The following DSG1 variants were observed in gnomAD, a reference collection of about 807,000 sequenced individuals.
DSG1 encodes the protein desmoglein-1.
In DSG1, 39 loss-of-function variants were observed where a neutral mutation model predicts 97.5. The ratio of observed to expected loss-of-function variants is 0.40; its 90% CI spans 0.31 to 0.52. The LOEUF is 0.52. Ranked by LOEUF, DSG1 falls within the 20% of genes least tolerant of loss-of-function variation. The pLI, the probability that DSG1 is intolerant of heterozygous loss-of-function variation, is 0.53. For synonymous variants in DSG1, 475 were observed against 443.4 expected (o/e 1.07, Z -0.90); for missense variants, 1,311 against 1,295.4 (o/e 1.01, Z -0.18).
chr18:31,339,678 T>C lies in DSG1; in HGVS notation c.1406-66T>C, dbSNP rs79450409. 1.7e-3 allele frequency: 2,090 copies of C among 1,242,894 alleles called. 24 individuals carry two copies. The African/African-American group carries it at 0.027, about 16-fold the overall frequency. The allele number at this position is 1,242,894 out of a possible 1,614,324, so 77.0% of individuals were successfully genotyped here. The stretch of plus-strand genomic sequence containing the variant: ...TAAATGTTAATGTAAAAAATAATTC[T>C]GTGTTGTCCAACCATTCCTACACTA... On this transcript the variant is annotated intron_variant, in intron 10 of 14. Transcript: ENST00000257192.
intron 7 of DSG1, 107 bp downstream of exon 7, chr18:31,333,830 C>A: frequency 7.2e-7 from 1 of 1,379,328 alleles, no homozygotes; most frequent in Non-Finnish European, 1.0e-6. Flanking sequence ...GACATACAAC[C>A]CAAATGTAGA....
At chr18:31,325,498 G>A (rs886618253) in intron 1 of DSG1, among the ~76,000 whole-genome samples, 3 of 152,142 alleles carry the variant, frequency 2.0e-5, no homozygotes, top group Non-Finnish European at 2.9e-5. Flanking sequence ...GCAGCAAGGA[G>A]CATGCATTTA....
Position 31,339,965 on chromosome 18 carries a change from A to G in DSG1, c.1627A>G (p.Asn543Asp). Residue 543 changes from asparagine to aspartate, a missense_variant, in exon 11 of 15, where the codon AAT becomes GAT. Physicochemically the swap from Asn to Asp is conservative, Grantham distance 23. Around this residue, in one of 3 missense-constraint regions of DSG1, gnomAD observed 1,038 missense variants for 964.6 expected, o/e 1.08. Transcript: ENST00000257192. ...GNGAKDLLSD[N>D]VHFGPAGIGL... The stretch of plus-strand genomic sequence containing the variant: ...CGGAGCCAAAGATTTGTTATCAGAC[A>G]ATGTACATTTTGGTCCTGCTGGCAT... 6.2e-7 allele frequency: 1 copy of G among 1,614,088 alleles called. No homozygotes were observed. The highest frequency in any genetic ancestry group is 8.5e-7 in the Non-Finnish European group (1 of 1,179,976).
intron 13 of DSG1, among the ~76,000 whole-genome samples, chr18:31,344,951 C>T (rs955467099): frequency 5.3e-5 from 8 of 152,120 alleles, no homozygotes; most frequent in African/African-American, 1.7e-4. Context: ...TCAAAGAACT[C>T]GACACAGTAG....
chr18:31,348,430 C>T (rs1272784370), intron 14 of DSG1, among the ~76,000 whole-genome samples: 3 of 151,698 alleles, frequency 2.0e-5, no homozygotes, highest in East Asian at 1.9e-4. Context: ...AATAAACATA[C>T]GTGTGCATGT....
Position 31,340,071 on chromosome 18 carries a change from C to T in DSG1, c.1687+46C>T, listed in dbSNP as rs761452004. 1.7e-5 allele frequency: 27 copies of T among 1,565,962 alleles called. No individual in the cohort carries two copies. The African/African-American group carries it at 2.3e-4, about 13-fold the overall frequency. ...ATGTATATGTGTCCCCCAAAAAATG[C>T]TGGGGGAGGAGTTAAGTTTTCTGAT... On this transcript the variant is annotated intron_variant, in intron 11 of 14. Transcript: ENST00000257192.
chr18:31,319,920 GT>G (rs1487015579), intron 1 of DSG1, among the ~76,000 whole-genome samples: 2 of 151,544 alleles, frequency 1.3e-5, no homozygotes, highest in South Asian at 2.1e-4. Context: ...GCTTATGGGG[GT>G]TTTTTTGGGA....
chr18:31,327,419 C>G (rs1465298241), intron 3 of DSG1, among the ~76,000 whole-genome samples: 2 of 152,022 alleles, frequency 1.3e-5, no homozygotes, highest in African/African-American at 4.8e-5. Flanking sequence ...TCTCATACCC[C>G]TTTTCTATTC....
At chr18:31,318,896 G>A (rs371659114) in intron 1 of DSG1, among the ~76,000 whole-genome samples, 6 of 151,912 alleles carry the variant, frequency 3.9e-5, no homozygotes, top group South Asian at 2.1e-4. Flanking sequence ...AAAAAGCCCC[G>A]CACTATTTAA....
At position 31,333,707 on chromosome 18, in the gene DSG1, A is replaced by T; in HGVS notation, c.803A>T (p.Tyr268Phe). ...CTCGATGTCAATGATAATATCCCTTACATGGAACAGTCTTCAGTAAGTATT... is the reference window on the plus strand; with the variant it reads ...CTCGATGTCAATGATAATATCCCTTTCATGGAACAGTCTTCAGTAAGTATT... ...KILDVNDNIP[Y>F]MEQSSYTIEI... The change falls in exon 7 of 15, where the codon TAC (tyrosine) becomes TTC (phenylalanine). Residue 268 changes from tyrosine to phenylalanine, a missense_variant. This residue lies in a region of DSG1 where 1,038 missense variants were observed against 964.6 expected (regional missense o/e 1.08). Coordinates refer to ENST00000257192, the MANE Select transcript of DSG1 (RefSeq NM_001942.4). The T allele has an allele frequency of 6.2e-7, 1 of 1,613,800 alleles. No homozygotes were observed. Among genetic ancestry groups the T allele is most frequent in the East Asian group, 2.2e-5 (1 of 44,868 alleles).
In DSG1 at chr18:31,354,597, C is replaced by A. The variant is rs2071935755; in HGVS notation, c.2401C>A (p.Pro801Thr). 1.9e-6 allele frequency: 3 copies of A among 1,614,060 alleles called. No individual in the cohort carries two copies. The highest frequency in any genetic ancestry group is 2.5e-6 in the Non-Finnish European group (3 of 1,180,042). Residue 801 changes from proline (P) to threonine (T), a missense_variant, in exon 15 of 15, where the codon CCA becomes ACA. Physicochemically the swap from Pro to Thr is conservative, Grantham distance 38. Around this residue, in one of 3 missense-constraint regions of DSG1, gnomAD observed 1,038 missense variants for 964.6 expected, o/e 1.08. Transcript: ENST00000257192. Reference sequence around the variant, plus strand: ...TGTTAGTGGACACCCACCAATCTCCCCACATTTCGGCACTACCACAGTAAT... The same window carrying A: ...TGTTAGTGGACACCCACCAATCTCCACACATTTCGGCACTACCACAGTAAT... ...PVVSGHPPIS[P>T]HFGTTTVISE...
rs1249896949 is a variant in DSG1, at chr18:31,327,003, A to G, written c.214A>G (p.Lys72Glu). 2 of 1,613,748 alleles carry G rather than the reference A, an allele frequency of 1.2e-6. No individual in the cohort carries two copies. The highest frequency in any genetic ancestry group is 1.7e-6 in the Non-Finnish European group (2 of 1,179,800). ...EDNSKRNPIA[K>E]IHSDCAANQQ... is the part of the protein sequence containing the mutation. The stretch of plus-strand genomic sequence containing the variant: ...CAACTCAAAGAGGAACCCAATCGCC[A>G]AAGTAGGTATCAACTCCAAAGCATA... The change falls in exon 3 of 15, where the codon AAA becomes GAA. Residue 72 changes from lysine to glutamate, a missense_variant and splice_region_variant. Lys to Glu is a moderately conservative substitution (Grantham distance 56). Transcript: ENST00000257192.
At chr18:31,336,969 C>T (rs1154851) in intron 9 of DSG1, among the ~76,000 whole-genome samples, 63,013 of 152,104 alleles carry the variant, frequency 0.41, 14,275 homozygotes, top group Non-Finnish European at 0.5. Context: ...CAAATCTGCT[C>T]AGCTTGAAAT....
chr18:31,340,880 C>T (rs1392174841), intron 11 of DSG1, among the ~76,000 whole-genome samples: 3 of 152,234 alleles, frequency 2.0e-5, no homozygotes, highest in Non-Finnish European at 4.4e-5. Flanking sequence ...GAGGGTTAAA[C>T]TCTGGTTTCT....
chr18:31,355,567 A>C lies in DSG1; in HGVS notation c.*221A>C. 1.8e-6 allele frequency: 1 copy of C among 570,112 alleles called. No individual in the cohort carries two copies. Among genetic ancestry groups the C allele is most frequent in the Non-Finnish European group, 3.1e-6 (1 of 320,840 alleles). The allele number at this position is 570,112 out of a possible 1,614,324, so 35.3% of individuals were successfully genotyped here. ...CTCTTATATTAGGACTAAGGAACTA[A>C]AACTTGAGGCAGAGTCTTCTTTGTG... On this transcript the variant is annotated 3_prime_UTR_variant, in exon 15 of 15. Transcript: ENST00000257192.
At chr18:31,333,844 A>G in intron 7 of DSG1, 121 bp downstream of exon 7, 1 of 1,310,094 alleles carries the variant, frequency 7.6e-7, no homozygotes, top group Non-Finnish European at 1.1e-6. Flanking sequence ...ATGTAGACAC[A>G]TACTTTTTTC....
At chr18:31,353,962 G>C (rs2144125743) in intron 14 of DSG1, 1 of 323,482 alleles carries the variant, frequency 3.1e-6, no homozygotes, top group Non-Finnish European at 5.9e-6. Flanking sequence ...CTGTAGACCA[G>C]AGCTGTTCCT....
At position 31,340,453 on chromosome 18, in the gene DSG1, C is replaced by T. The variant is rs148082660; in HGVS notation, c.1687+428C>T. Among the ~76,000 whole-genome samples the T allele has an allele frequency of 3.1e-3, 461 of 150,450 alleles. 4 individuals carry two copies. Among genetic ancestry groups the T allele is most frequent in the African/African-American group, 8.8e-3 (360 of 40,954 alleles). Reference sequence around the variant, plus strand: ...GAAGCCCACGTCTCTACTAAAAATACAAAAATGATCCGGGCATGGTGGTAG... The same window carrying T: ...GAAGCCCACGTCTCTACTAAAAATATAAAAATGATCCGGGCATGGTGGTAG... On this transcript the variant is annotated intron_variant, in intron 11 of 14. Transcript: ENST00000257192.
rs531914243 is a variant in DSG1 at position 31,354,926 on chromosome 18, T to A, written c.2730T>A (p.Thr910=). The change falls in exon 15 of 15, where the codon ACT becomes ACA. Residue 910 remains threonine (T), a synonymous_variant. Coordinates refer to ENST00000257192, the MANE Select transcript of DSG1 (RefSeq NM_001942.4). ...APSSSLPTSL[T]IHHPRESSNV... ...GCTCTAGTCTACCCACCTCTCTGACTATCCATCATCCTAGAGAGTCTTCAA... is the reference window on the plus strand; with the variant it reads ...GCTCTAGTCTACCCACCTCTCTGACAATCCATCATCCTAGAGAGTCTTCAA... The A allele has an allele frequency of 4.3e-6, 7 of 1,614,214 alleles. No individual in the cohort carries two copies. The African/African-American group carries it at 8.0e-5, about 18-fold the overall frequency.
Sources: gnomAD v4.1 joint callset for allele counts (sites outside exome capture counted in the v4.1 genomes callset) on GRCh38, gnomAD v4.1.1 for gene constraint, gnomAD v4.1.1 regional missense constraint, MANE v1.5 for transcripts, NCBI Gene and HGNC (gene_info 2026-07-23, HGNC 2026-07-21) for gene names.